The following CIT variants were observed in gnomAD, a reference collection of about 807,000 sequenced individuals.
The protein encoded by CIT is citron rho-interacting serine/threonine kinase, also known as citron Rho-interacting kinase.
A neutral mutation model predicts 272.7 loss-of-function variants in CIT; 79 were observed. That is an observed-to-expected ratio of 0.29 (90% CI 0.24 to 0.35). The LOEUF (loss-of-function observed/expected upper bound fraction) is 0.35. Among genes scored for constraint, CIT ranks in the 10% least tolerant of loss-of-function variants. CIT has a pLI of 1.00. For missense variants in CIT, 1,909 were observed against 2,618.3 expected (o/e 0.73, Z 5.91); for synonymous variants, 948 against 995.6 (o/e 0.95, Z 0.90).
intron 2 of CIT, among the ~76,000 whole-genome samples, 188 bp downstream of exon 2, chr12:119,875,884 AG>A (rs1354985305): frequency 2.0e-5 from 3 of 152,154 alleles, no homozygotes; most frequent in African/African-American, 7.2e-5. Flanking sequence ...GCTACTCTGG[AG>A]GCTGAGGCAG....
intron 9 of CIT, among the ~76,000 whole-genome samples, chr12:119,819,402 C>G (rs771053599): frequency 6.6e-6 from 1 of 152,104 alleles, no homozygotes; most frequent in Non-Finnish European, 1.5e-5. Context: ...AAAGCAAAGG[C>G]GCATCCTAGT....
At chr12:119,786,806 C>T (rs541798593) in intron 10 of CIT, among the ~76,000 whole-genome samples, 24 of 152,276 alleles carry the variant, frequency 1.6e-4, no homozygotes, top group African/African-American at 4.8e-4. Context: ...AATGAGTCAA[C>T]GCCCAGCATC....
At chr12:119,738,293 G>A (rs1958884619) in intron 24 of CIT, among the ~76,000 whole-genome samples, 1 of 152,118 alleles carries the variant, frequency 6.6e-6, no homozygotes. Context: ...GACCATTCAG[G>A]ACAACCCCTC....
Position 119,784,457 on chromosome 12 carries a change from T to G in CIT, c.1402-406A>C. 8.3e-7 allele frequency: 1 copy of G among 1,200,338 alleles called. No individual in the cohort carries two copies. Among genetic ancestry groups the G allele is most frequent in the African/African-American group, 1.6e-5 (1 of 63,170 alleles). The allele number at this position is 1,200,338 out of a possible 1,614,324, so 74.4% of individuals were successfully genotyped here. A position where few individuals can be genotyped will look rare whatever the true frequency, so the allele number is the denominator to read the frequency against. On this transcript the variant is annotated intron_variant, in intron 11 of 47. Coordinates refer to ENST00000392521, the MANE Select transcript of CIT (RefSeq NM_001206999.2). The surrounding 1 kb of genome is among the most constrained non-coding windows in gnomAD (Gnocchi z 4.7). ...ACAAATCCAGGACAGGGCAAGGAGA[T>G]ATTTATTCGTCTGCACTCTTAGGAG...
rs745506415 is a variant in CIT, at chr12:119,721,648, G to T, written c.3592-199C>A. ...AAAATGAATTTGCACAGAAACCTCT[G>T]CTGGCCAACAAGTCCGAGGATCCCT... is the stretch of plus-strand genomic sequence containing the variant. On this transcript the variant is annotated intron_variant, in intron 28 of 47. Coordinates refer to ENST00000392521, the MANE Select transcript of CIT (RefSeq NM_001206999.2). Among the ~76,000 whole-genome samples, 4 of 152,198 alleles carry T rather than the reference G, an allele frequency of 2.6e-5. No individual in the cohort carries two copies. The East Asian group carries it at 7.7e-4, about 29-fold the overall frequency.
intron 5 of CIT, among the ~76,000 whole-genome samples, chr12:119,842,788 C>A (rs575562338): frequency 6.6e-6 from 1 of 152,240 alleles, no homozygotes; most frequent in South Asian, 2.1e-4. Flanking sequence ...GAATTACACA[C>A]GTGAAAGAAA....
intron 4 of CIT, among the ~76,000 whole-genome samples, chr12:119,855,652 C>T (rs1191017493): frequency 6.6e-6 from 1 of 152,070 alleles, no homozygotes; most frequent in African/African-American, 2.4e-5. Flanking sequence ...CTTTTCTTTT[C>T]TATGCATCCT....
intron 41 of CIT, 28 bp downstream of exon 41, chr12:119,704,335 T>A: frequency 6.2e-7 from 1 of 1,607,466 alleles, no homozygotes; most frequent in Non-Finnish European, 8.5e-7. Context: ...CTTTCCCACG[T>A]TCAACCAAGG....
intron 10 of CIT, among the ~76,000 whole-genome samples, chr12:119,792,431 A>T (rs1965384305): frequency 6.6e-6 from 1 of 152,118 alleles, no homozygotes; most frequent in African/African-American, 2.4e-5. Flanking sequence ...CCAAAAATAT[A>T]CTGGCTTTTA....
intron 12 of CIT, chr12:119,783,321 G>A (rs1392696683): frequency 1.3e-5 from 2 of 152,250 alleles, no homozygotes; most frequent in African/African-American, 4.8e-5. Flanking sequence ...TCAACTTCTT[G>A]AGACTGTTTA....
At chr12:119,745,383 A>AAAAAAAAAAAAC (rs1959216610) in intron 23 of CIT, among the ~76,000 whole-genome samples, 2 of 138,694 alleles carry the variant, frequency 1.4e-5, no homozygotes, top group Non-Finnish European at 3.2e-5. Context: ...GCAAAAAAAA[A>AAAAAAAAAAAAC]AAAAAAAAAA....
intron 10 of CIT, among the ~76,000 whole-genome samples, chr12:119,799,096 C>T (rs1965976964): frequency 6.6e-6 from 1 of 152,102 alleles, no homozygotes; most frequent in Non-Finnish European, 1.5e-5. Context: ...TGGTCAGAAC[C>T]GTGAAGTGTC....
chr12:119,741,993 C>T (rs1034301702), intron 24 of CIT, among the ~76,000 whole-genome samples: 10 of 152,146 alleles, frequency 6.6e-5, no homozygotes, highest in Admixed American at 2.6e-4. Context: ...GTCTTTCCTC[C>T]GCAGGGGCAG....
intron 13 of CIT, among the ~76,000 whole-genome samples, chr12:119,777,265 A>G (rs203364): frequency 0.48 from 71,944 of 151,162 alleles, 17,507 homozygotes; most frequent in Admixed American, 0.58. Flanking sequence ...AAAAAAAAAC[A>G]ACCTACAGAC....
Position 119,749,795 on chromosome 12 carries a change from G to A in CIT, c.2904+2255C>T, listed in dbSNP as rs144387657. ...CTAAATTAAGTCGTGACTTGCTGCT[G>A]TGCTCAGCTTCCAGCAGCCATCAGA... On this transcript the variant is annotated intron_variant, in intron 23 of 47. Transcript: ENST00000392521. Among the ~76,000 whole-genome samples, 743 of 152,096 alleles carry A rather than the reference G, an allele frequency of 4.9e-3. 1 individual carries two copies. The highest frequency in any genetic ancestry group is 6.6e-3 in the Non-Finnish European group (450 of 68,004).
At chr12:119,704,812 C>T (rs1204498882) in intron 40 of CIT, among the ~76,000 whole-genome samples, 1 of 152,182 alleles carries the variant, frequency 6.6e-6, no homozygotes, top group African/African-American at 2.4e-5. Flanking sequence ...GTGCCTTCTG[C>T]TGGAGACAGA....
In CIT at chr12:119,832,851, C is replaced by CA. The variant is rs1968742074; in HGVS notation, c.672dup (p.Glu225Ter). The CA allele has an allele frequency of 6.2e-7, 1 of 1,613,752 alleles. No homozygotes were observed. The highest frequency in any genetic ancestry group is 1.7e-5 in the Admixed American group (1 of 59,998). Reference sequence around the variant, plus strand: ...CCTGTGCGGTCAACGAGAATGTTCTCAGGCTTGATGTCTCTGTAAGAAAAT... The same window carrying CA: ...CCTGTGCGGTCAACGAGAATGTTCTCAAGGCTTGATGTCTCTGTAAGAAAAT... On this transcript the variant is annotated frameshift_variant, in exon 7 of 48. Transcript: ENST00000392521. LOFTEE classifies it high-confidence loss of function.
At chr12:119,802,139 A>G (rs1479244523) in intron 10 of CIT, among the ~76,000 whole-genome samples, 4 of 152,202 alleles carry the variant, frequency 2.6e-5, no homozygotes, top group Non-Finnish European at 5.9e-5. Flanking sequence ...GATGCTGCCA[A>G]GAAGAATATC....
At chr12:119,851,613 G>A (rs1215459339) in intron 4 of CIT, among the ~76,000 whole-genome samples, 1 of 152,184 alleles carries the variant, frequency 6.6e-6, no homozygotes, top group Non-Finnish European at 1.5e-5. Flanking sequence ...GCCAAGTTGG[G>A]AACAATTTAA....
Sources: allele counts gnomAD v4.1 joint callset (sites outside exome capture counted in the v4.1 genomes callset), GRCh38; gene constraint gnomAD v4.1.1; non-coding constraint Gnocchi (gnomAD v3.1); transcripts MANE v1.5; gene names NCBI Gene and HGNC (gene_info 2026-07-23, HGNC 2026-07-21).